The following OTUD7B variants were observed in gnomAD, a reference collection of about 807,000 sequenced individuals.
OTUD7B encodes OTU domain-containing protein 7B.
In OTUD7B, 34 loss-of-function variants were observed where a neutral mutation model predicts 82.2. That is an observed-to-expected ratio of 0.41 (90% confidence interval 0.31 to 0.55). The LOEUF (loss-of-function observed/expected upper bound fraction) is 0.55, where lower values mean the gene tolerates loss of function less well. OTUD7B is among the 20% of genes least tolerant of loss of function. The pLI, the probability that OTUD7B is intolerant of heterozygous loss-of-function variation, is 0.20. For synonymous variants in OTUD7B, 398 were observed against 402.7 expected, an observed-to-expected ratio of 0.99 and a Z score of 0.14; for missense variants, 944 against 1,062.1, an observed-to-expected ratio of 0.89 and a Z score of 1.55.
intron 1 of OTUD7B, among the ~76,000 whole-genome samples, chr1:149,994,308 C>T (rs896052918): frequency 1.3e-5 from 2 of 152,122 alleles, no homozygotes; most frequent in Non-Finnish European, 2.9e-5. Flanking sequence ...CCCAGCCGGG[C>T]GCAGTGGCTC....
chr1:149,967,574 T>G, intron 3 of OTUD7B, 53 bp from the exon 4 acceptor site: 1 of 1,354,518 alleles, frequency 7.4e-7, no homozygotes, highest in Non-Finnish European at 1.0e-6. Context: ...CTTGGAGAAC[T>G]CTACACTGAT....
At chr1:150,028,732 A>G in the OTUD7B span, among the ~76,000 whole-genome samples, 1 of 152,134 alleles carries the variant, frequency 6.6e-6, no homozygotes, top group Non-Finnish European at 1.5e-5. Flanking sequence ...GTGCAATGGC[A>G]CAGTCTCAGC....
Position 149,940,892 on chromosome 1 carries a change from C to T in OTUD7B, c.*2965G>A, listed in dbSNP as rs1355780044. On this transcript the variant is annotated 3_prime_UTR_variant, in exon 12 of 12. Coordinates refer to ENST00000581312, the MANE Select transcript of OTUD7B (RefSeq NM_020205.4). Reference sequence around the variant, plus strand: ...CCCCCCATCCCACCAAGACCCTCCCCGAAAGAATGAAGCAAAACAAACTTC... The same window carrying T: ...CCCCCCATCCCACCAAGACCCTCCCTGAAAGAATGAAGCAAAACAAACTTC... 3 of 151,694 alleles carry T rather than the reference C, an allele frequency of 2.0e-5. No individual in the cohort carries two copies. The highest frequency in any genetic ancestry group is 1.9e-4 in the East Asian group (1 of 5,152). The allele number at this position is 151,694 out of a possible 1,614,324, so 9.4% of individuals were successfully genotyped here. A position where few individuals can be genotyped will look rare whatever the true frequency, so the allele number is the denominator to read the frequency against.
Position 149,977,542 on chromosome 1 carries a change from G to A in OTUD7B, c.-32C>T, listed in dbSNP as rs782665331. Reference sequence around the variant, plus strand: ...CTCAAGTACTTTCAGCCAGCTGGATGTAGGTAGAACATAGATCAAAATTCA... The same window carrying A: ...CTCAAGTACTTTCAGCCAGCTGGATATAGGTAGAACATAGATCAAAATTCA... On this transcript the variant is annotated 5_prime_UTR_variant, in exon 2 of 12. Coordinates refer to ENST00000581312, the MANE Select transcript of OTUD7B (RefSeq NM_020205.4). 6.5e-7 allele frequency: 1 copy of A among 1,542,922 alleles called. No individual in the cohort carries two copies. The highest frequency in any genetic ancestry group is 9.0e-7 in the Non-Finnish European group (1 of 1,115,286).
intron 6 of OTUD7B, chr1:149,963,082 C>T (rs1163394243): frequency 3.9e-5 from 6 of 152,064 alleles, no homozygotes; most frequent in Admixed American, 6.6e-5. Context: ...AGAAACATAG[C>T]ATGTTCTACT....
chr1:150,013,246 G>GCAAT (rs1383035476), upstream of OTUD7B, among the ~76,000 whole-genome samples: 1 of 152,156 alleles, frequency 6.6e-6, no homozygotes, highest in East Asian at 1.9e-4. Context: ...ACTCGTCTTA[G>GCAAT]CAATTCTAAG....
At chr1:150,016,446 C>CTTTTCTTTTTTTTT in the OTUD7B span, among the ~76,000 whole-genome samples, 5 of 130,062 alleles carry the variant, frequency 3.8e-5, 2 homozygotes, top group Non-Finnish European at 4.8e-5. Context: ...TTTCTCTTTT[C>CTTTTCTTTTTTTTT]TTTTTCTTTT....
At chr1:149,970,971 C>T in intron 3 of OTUD7B, 92 bp downstream of exon 3, 2 of 1,179,942 alleles carry the variant, frequency 1.7e-6, no homozygotes, top group Non-Finnish European at 1.2e-6. Flanking sequence ...GAAATGGAAT[C>T]ACCTCCAATG....
At chr1:149,986,020 C>T (rs1559856463) in intron 1 of OTUD7B, among the ~76,000 whole-genome samples, 1 of 152,132 alleles carries the variant, frequency 6.6e-6, no homozygotes, top group African/African-American at 2.4e-5. Flanking sequence ...TTGCCCACTT[C>T]TTTCTTGGTG....
the OTUD7B span, among the ~76,000 whole-genome samples, chr1:150,043,121 G>A: frequency 6.6e-6 from 1 of 152,102 alleles, no homozygotes; most frequent in Non-Finnish European, 1.5e-5. Flanking sequence ...TATATACTGA[G>A]CCCCATCTCA....
the OTUD7B span, among the ~76,000 whole-genome samples, chr1:150,019,878 T>G: frequency 6.6e-6 from 1 of 152,066 alleles, no homozygotes; most frequent in Non-Finnish European, 1.5e-5. Flanking sequence ...GGCTCACGCC[T>G]GTAATCCCAA....
chr1:149,991,683 A>G (rs1283137954), intron 1 of OTUD7B, among the ~76,000 whole-genome samples: 1 of 152,216 alleles, frequency 6.6e-6, no homozygotes, highest in Admixed American at 6.5e-5. Context: ...CAAAGAGCTA[A>G]CTATAGTAAA....
intron 1 of OTUD7B, among the ~76,000 whole-genome samples, chr1:149,987,700 C>G (rs1024874438): frequency 4.6e-5 from 7 of 152,262 alleles, no homozygotes; most frequent in Admixed American, 4.6e-4. Flanking sequence ...ACCCTTCAGT[C>G]CCACGACCAT....
chr1:150,045,888 A>T, the OTUD7B span, among the ~76,000 whole-genome samples: 2 of 152,226 alleles, frequency 1.3e-5, no homozygotes, highest in Non-Finnish European at 2.9e-5. Flanking sequence ...ATCAATTTAT[A>T]AAAAAGAGAC....
chr1:150,020,883 C>A, the OTUD7B span, among the ~76,000 whole-genome samples: 1 of 152,166 alleles, frequency 6.6e-6, no homozygotes, highest in Non-Finnish European at 1.5e-5. Flanking sequence ...TTGTTGATTG[C>A]TTAGTTTCCA....
the OTUD7B span, among the ~76,000 whole-genome samples, chr1:150,060,227 T>C: frequency 8.5e-5 from 13 of 152,208 alleles, no homozygotes; most frequent in African/African-American, 2.4e-4. Flanking sequence ...ATGAACTGTG[T>C]CCCTGCAAAA....
the OTUD7B span, among the ~76,000 whole-genome samples, chr1:150,052,166 G>A: frequency 6.6e-6 from 1 of 152,136 alleles, no homozygotes; most frequent in Non-Finnish European, 1.5e-5. Context: ...GGAAGTCCTG[G>A]CCAGAGCAAT....
At chr1:149,982,214 C>T (rs1452746664) in intron 1 of OTUD7B, among the ~76,000 whole-genome samples, 4 of 149,794 alleles carry the variant, frequency 2.7e-5, no homozygotes, top group African/African-American at 4.9e-5. Context: ...TGACAAAACT[C>T]TTGCAGCAGG....
chr1:150,041,568 A>G, the OTUD7B span, among the ~76,000 whole-genome samples: 1 of 152,142 alleles, frequency 6.6e-6, no homozygotes, highest in East Asian at 1.9e-4. Flanking sequence ...TCCTGGCCTC[A>G]AGTGATCCAC....
Sources: allele counts gnomAD v4.1 joint callset (sites outside exome capture counted in the v4.1 genomes callset), GRCh38; gene constraint gnomAD v4.1.1; transcripts MANE v1.5; gene names NCBI Gene and HGNC (gene_info 2026-07-23, HGNC 2026-07-21).